The following WWOX variants were observed in gnomAD, a reference collection of about 807,000 sequenced individuals.
WWOX encodes the protein WW domain containing oxidoreductase, also known as WW domain-containing oxidoreductase.
Under a neutral mutation model 46.2 loss-of-function variants are expected in WWOX, and 69 were observed. That is an observed-to-expected ratio of 1.49 (90% CI 1.23 to 1.82). The LOEUF is 1.82. WWOX is among the 40% of genes most tolerant of loss of function. WWOX has a pLI of 0.00. For synonymous variants in WWOX, 359 were observed against 202.6 expected (o/e 1.77, Z -6.56); for missense variants, 919 against 542.6 (o/e 1.69, Z -6.89).
chr16:78,907,051 G>A (rs1237119345), intron 8 of WWOX, among the ~76,000 whole-genome samples: 1 of 152,116 alleles, frequency 6.6e-6, no homozygotes, highest in Non-Finnish European at 1.5e-5. Flanking sequence ...TTTAATGTTG[G>A]TAGAGCCAGC....
intron 5 of WWOX, among the ~76,000 whole-genome samples, chr16:78,276,616 C>T (rs1460820553): frequency 1.3e-5 from 2 of 152,180 alleles, no homozygotes; most frequent in African/African-American, 4.8e-5. Context: ...GGCTCTGCAG[C>T]TGAAATTGGG....
intron 8 of WWOX, among the ~76,000 whole-genome samples, chr16:78,925,308 C>G (rs183387616): frequency 1.3e-5 from 2 of 152,296 alleles, no homozygotes; most frequent in South Asian, 2.1e-4. Flanking sequence ...AGGAAAATAA[C>G]CCCTCAACTG....
intron 8 of WWOX, among the ~76,000 whole-genome samples, chr16:78,747,319 A>G (rs1304415587): frequency 6.6e-6 from 1 of 151,668 alleles, no homozygotes; most frequent in Admixed American, 6.6e-5. Context: ...AGCCTCCCAA[A>G]TTGCTGAGAG....
chr16:78,489,374 A>T (rs59168218), intron 8 of WWOX, among the ~76,000 whole-genome samples: 1,924 of 152,282 alleles, frequency 0.013, 33 homozygotes, highest in African/African-American at 0.044. Context: ...TTACTTGGCC[A>T]AATATCCGAG....
intron 5 of WWOX, among the ~76,000 whole-genome samples, chr16:78,369,195 A>G (rs1272213207): frequency 6.6e-6 from 1 of 152,150 alleles, no homozygotes; most frequent in Admixed American, 6.5e-5. Context: ...ACTGTGTGCT[A>G]GACATTATTC....
chr16:78,284,139 G>C (rs1333910482), intron 5 of WWOX, among the ~76,000 whole-genome samples: 1 of 152,118 alleles, frequency 6.6e-6, no homozygotes, highest in Admixed American at 6.5e-5. Context: ...GGTGGGTGGT[G>C]GTGTACTTTG....
In WWOX at chr16:78,099,771, A is replaced by C; in HGVS notation, c.-8A>C. 6.5e-7 allele frequency: 1 copy of C among 1,539,754 alleles called. No homozygotes were observed. The highest frequency in any genetic ancestry group is 8.7e-7 in the Non-Finnish European group (1 of 1,143,866). ...CGATAGGGGGGCCAGGTGCCTCCAC[A>C]GTCAGCCATGGCAGCGCTGCGCTAC... On this transcript the variant is annotated 5_prime_UTR_variant, in exon 1 of 9. Transcript: ENST00000566780.
intron 8 of WWOX, among the ~76,000 whole-genome samples, chr16:79,135,023 T>C (rs935977430): frequency 6.6e-6 from 1 of 152,168 alleles, no homozygotes; most frequent in Admixed American, 6.5e-5. Context: ...TGCTGTTCAT[T>C]GGATTAATTT....
intron 8 of WWOX, among the ~76,000 whole-genome samples, chr16:78,797,487 C>A (rs1259803267): frequency 6.6e-6 from 1 of 151,836 alleles, no homozygotes; most frequent in East Asian, 1.9e-4. Context: ...TAGAGATGTT[C>A]TCGAGGCAGC....
At chr16:78,195,060 C>G (rs1439158973) in intron 5 of WWOX, among the ~76,000 whole-genome samples, 1 of 152,164 alleles carries the variant, frequency 6.6e-6, no homozygotes, top group Non-Finnish European at 1.5e-5. Context: ...CTAACTGGGA[C>G]CCCAGTGGGC....
At chr16:79,050,675 G>A (rs1486675788) in intron 8 of WWOX, among the ~76,000 whole-genome samples, 2 of 152,140 alleles carry the variant, frequency 1.3e-5, no homozygotes, top group Non-Finnish European at 2.9e-5. Context: ...GGAGTGACAT[G>A]ACTTCCGTTA....
chr16:78,628,359 A>G (rs1367251361), intron 8 of WWOX, among the ~76,000 whole-genome samples: 2 of 152,068 alleles, frequency 1.3e-5, no homozygotes, highest in Non-Finnish European at 2.9e-5. Flanking sequence ...TTTGCTCTAA[A>G]TATACATTCC....
intron 8 of WWOX, among the ~76,000 whole-genome samples, chr16:79,152,957 G>C (rs746088715): frequency 6.6e-6 from 1 of 152,126 alleles, no homozygotes; most frequent in African/African-American, 2.4e-5. Context: ...TGCTCCTAGC[G>C]TGAGAGTGTC....
rs571540727 is a variant in WWOX, at chr16:78,516,827, G to A, written c.1056+84075G>A. On this transcript the variant is annotated intron_variant, in intron 8 of 8. Coordinates refer to ENST00000566780, the MANE Select transcript of WWOX (RefSeq NM_016373.4). ...CTACTAAGAGAAGAGAGGTGTTAAT[G>A]GACACATCATTGAGGCTGAAGCCAA... 5.1e-3 allele frequency among the ~76,000 whole-genome samples: 776 copies of A among 152,256 alleles called. 6 individuals carry two copies. Among genetic ancestry groups the A allele is most frequent in the African/African-American group, 0.018 (734 of 41,540 alleles).
intron 8 of WWOX, among the ~76,000 whole-genome samples, chr16:78,834,062 G>C (rs935083695): frequency 4.6e-5 from 7 of 152,226 alleles, no homozygotes; most frequent in South Asian, 2.1e-4. Flanking sequence ...TCAGAACACT[G>C]CTCACACATG....
At chr16:78,814,754 G>A (rs1482186683) in intron 8 of WWOX, among the ~76,000 whole-genome samples, 3 of 152,216 alleles carry the variant, frequency 2.0e-5, no homozygotes, top group South Asian at 2.1e-4. Context: ...TGACATGGCA[G>A]TGTATAAGAC....
chr16:78,964,368 G>T (rs2151315744), intron 8 of WWOX, among the ~76,000 whole-genome samples: 1 of 152,178 alleles, frequency 6.6e-6, no homozygotes, highest in Non-Finnish European at 1.5e-5. Context: ...AGCTCGTTGG[G>T]AATTGGAGCA....
intron 8 of WWOX, among the ~76,000 whole-genome samples, chr16:78,842,052 C>G (rs929223896): frequency 2.6e-5 from 4 of 152,082 alleles, no homozygotes; most frequent in African/African-American, 9.7e-5. Flanking sequence ...TTCAAGGGGA[C>G]CAGGAGGATC....
chr16:78,931,279 A>T (rs1454040684), intron 8 of WWOX, among the ~76,000 whole-genome samples: 4 of 152,130 alleles, frequency 2.6e-5, no homozygotes, highest in African/African-American at 9.7e-5. Flanking sequence ...ATGCTCTAGG[A>T]ATGGTAAGAG....
Sources: allele counts gnomAD v4.1 joint callset (sites outside exome capture counted in the v4.1 genomes callset), GRCh38; gene constraint gnomAD v4.1.1; transcripts MANE v1.5; gene names NCBI Gene and HGNC (gene_info 2026-07-23, HGNC 2026-07-21).